KIT: variants seen among roughly 807,000 people sequenced by gnomAD.
The protein encoded by KIT is KIT proto-oncogene, receptor tyrosine kinase, also known as mast/stem cell growth factor receptor Kit.
KIT carries 16 observed loss-of-function variants against 105.7 expected under a neutral mutation model. The observed-to-expected ratio is 0.15, with a 90% CI of 0.10 to 0.23. The LOEUF (loss-of-function observed/expected upper bound fraction) is 0.23, where lower values mean the gene tolerates loss of function less well. Among genes scored for constraint, KIT ranks in the 10% least tolerant of loss-of-function variants. The pLI, the probability that KIT is intolerant of heterozygous loss-of-function variation, is 1.00. For missense variants in KIT, 858 were observed against 1,213.8 expected (o/e 0.71, Z 4.36); for synonymous variants, 438 against 441.1 (o/e 0.99, Z 0.09).
At chr4:54,699,980 AC>A (rs1720352688) in intron 4 of KIT, among the ~76,000 whole-genome samples, 1 of 152,194 alleles carries the variant, frequency 6.6e-6, no homozygotes, top group Non-Finnish European at 1.5e-5. Context: ...TTCATTTTAT[AC>A]ATTTATTTTG....
At chr4:54,726,754 G>A (rs1372175041) in intron 9 of KIT, among the ~76,000 whole-genome samples, 2 of 151,888 alleles carry the variant, frequency 1.3e-5, no homozygotes, top group African/African-American at 2.4e-5. Context: ...TTTTCAGACA[G>A]GGCAACGAAA....
At chr4:54,721,490 T>C (rs1721870080) in intron 7 of KIT, among the ~76,000 whole-genome samples, 1 of 152,254 alleles carries the variant, frequency 6.6e-6, no homozygotes, top group Non-Finnish European at 1.5e-5. Flanking sequence ...TTTGTAAAGC[T>C]GGCATTGGAT....
At chr4:54,715,161 G>GAGATTATTCTCAT (rs1721399314) in intron 7 of KIT, among the ~76,000 whole-genome samples, 2 of 152,060 alleles carry the variant, frequency 1.3e-5, no homozygotes, top group Non-Finnish European at 2.9e-5. Flanking sequence ...CCAGAATAAG[G>GAGATTATTCTCAT]CTTCTCGATG....
At chr4:54,666,862 AC>A (rs1322678650) in intron 1 of KIT, among the ~76,000 whole-genome samples, 3 of 152,160 alleles carry the variant, frequency 2.0e-5, no homozygotes, top group Non-Finnish European at 4.4e-5. Context: ...AACATAATCC[AC>A]TACTATAGTC....
At chr4:54,727,950 A>G (rs1402566872) in intron 12 of KIT, 23 bp downstream of exon 12, 4 of 1,610,212 alleles carry the variant, frequency 2.5e-6, no homozygotes, top group Admixed American at 3.3e-5. Context: ...ATGGTACTGC[A>G]TGCGCTTGAC....
chr4:54,737,267 A>G lies in KIT; in HGVS notation c.2789A>G (p.Glu930Gly). 6.2e-7 allele frequency: 1 copy of G among 1,611,012 alleles called. No individual in the cohort carries two copies. Among genetic ancestry groups the G allele is most frequent in the Non-Finnish European group, 8.5e-7 (1 of 1,177,158 alleles). ...IVQLIEKQIS[E>G]STNHIYSNLA... Reference sequence around the variant, plus strand: ...CAGCTAATTGAGAAGCAGATTTCAGAGAGCACCAATCATGTGAGTATACCC... The same window carrying G: ...CAGCTAATTGAGAAGCAGATTTCAGGGAGCACCAATCATGTGAGTATACCC... The change falls in exon 20 of 21, where the codon GAG becomes GGG. Residue 930 changes from glutamate (E) to glycine (G), a missense_variant. Glu to Gly is a moderately conservative substitution (Grantham distance 98). Coordinates refer to ENST00000288135, the MANE Select transcript of KIT (RefSeq NM_000222.3).
intron 1 of KIT, among the ~76,000 whole-genome samples, chr4:54,660,436 T>C (rs1243689164): frequency 1.3e-5 from 2 of 152,226 alleles, no homozygotes; most frequent in African/African-American, 2.4e-5. Context: ...ATTATCCTGC[T>C]GGAAATAAGA....
At chr4:54,682,751 T>TC (rs1278668193) in intron 1 of KIT, among the ~76,000 whole-genome samples, 1 of 86,966 alleles carries the variant, frequency 1.1e-5, no homozygotes, top group East Asian at 2.9e-4. Context: ...GTCTTGACCG[T>TC]TTTTTTTTTT....
chr4:54,687,465 TACAATC>T (rs932471043), intron 1 of KIT, among the ~76,000 whole-genome samples: 2 of 152,036 alleles, frequency 1.3e-5, no homozygotes, highest in Non-Finnish European at 2.9e-5. Flanking sequence ...AAAAAAGACT[TACAATC>T]AAACATCCTC....
At chr4:54,691,598 C>A (rs1283113506) in intron 1 of KIT, among the ~76,000 whole-genome samples, 1 of 152,054 alleles carries the variant, frequency 6.6e-6, no homozygotes, top group Non-Finnish European at 1.5e-5. Flanking sequence ...AGAAGTTAAC[C>A]CCATGGCAGT....
rs2109760742 is a variant in KIT, at chr4:54,723,620, A to G, written c.1268A>G (p.Asn423Ser). 6.2e-7 allele frequency: 1 copy of G among 1,614,122 alleles called. No homozygotes were observed. The highest frequency in any genetic ancestry group is 1.3e-5 in the African/African-American group (1 of 75,054). The change falls in exon 8 of 21, where the codon AAT (asparagine) becomes AGT (serine). Residue 423 changes from asparagine (N) to serine (S), a missense_variant. Asn to Ser is a conservative substitution (Grantham distance 46). Coordinates refer to ENST00000288135, the MANE Select transcript of KIT (RefSeq NM_000222.3). ...PEILTYDRLV[N>S]GMLQCVAAGF... ...ATCCTGACTTACGACAGGCTCGTGA[A>G]TGGCATGCTCCAATGTGTGGCAGCA...
At position 54,707,258 on chromosome 4, in the gene KIT, T is replaced by C. The variant is rs554090824; in HGVS notation, c.1086T>C (p.Tyr362=). The C allele has an allele frequency of 4.3e-6, 7 of 1,612,866 alleles. No individual in the cohort carries two copies. The highest frequency in any genetic ancestry group is 3.3e-5 in the South Asian group (3 of 91,046). Residue 362 remains tyrosine, a synonymous_variant, in exon 6 of 21, where the codon TAT becomes TAC. Coordinates refer to ENST00000288135, the MANE Select transcript of KIT (RefSeq NM_000222.3). The stretch of plus-strand genomic sequence containing the variant: ...CCTTCACTGATAAATGGGAAGATTA[T>C]CCCAAGTCTGAGAATGAAAGTAATA... ...NRTFTDKWED[Y]PKSENESNIR...
At chr4:54,677,873 A>G (rs1373514563) in intron 1 of KIT, among the ~76,000 whole-genome samples, 1 of 152,216 alleles carries the variant, frequency 6.6e-6, no homozygotes, top group Non-Finnish European at 1.5e-5. Context: ...TATATTGAGA[A>G]TGAGGGCTCA....
chr4:54,694,043 A>G (rs1056558970), intron 1 of KIT, among the ~76,000 whole-genome samples: 2 of 152,088 alleles, frequency 1.3e-5, no homozygotes, highest in African/African-American at 4.8e-5. Flanking sequence ...TGAAAAACCT[A>G]AATTGAATCT....
rs1553893435 is a variant in KIT at position 54,736,506 on chromosome 4, A to G, written c.2493A>G (p.Leu831=). ...SNYVVKGNAR[L]PVKWMAPESI... is the part of the protein sequence containing the mutation. Reference sequence around the variant, plus strand: ...TTGTGCTTCTATTACAGGCTCGACTACCTGTGAAGTGGATGGCACCTGAAA... The same window carrying G: ...TTGTGCTTCTATTACAGGCTCGACTGCCTGTGAAGTGGATGGCACCTGAAA... Residue 831 remains leucine, a synonymous_variant, in exon 18 of 21, where the codon CTA becomes CTG. Coordinates refer to ENST00000288135, the MANE Select transcript of KIT (RefSeq NM_000222.3). 1.2e-5 allele frequency: 20 copies of G among 1,610,548 alleles called. No homozygotes were observed. Among genetic ancestry groups the G allele is most frequent in the Non-Finnish European group, 1.7e-5 (20 of 1,176,764 alleles).
At chr4:54,678,343 T>TCCTC (rs1193823159) in intron 1 of KIT, among the ~76,000 whole-genome samples, 41 of 95,696 alleles carry the variant, frequency 4.3e-4, no homozygotes, top group Non-Finnish European at 6.9e-4. Flanking sequence ...CTTCCTTCCT[T>TCCTC]CCTTCCTTCC....
intron 1 of KIT, among the ~76,000 whole-genome samples, chr4:54,691,334 C>T (rs1255035954): frequency 3.3e-5 from 5 of 152,114 alleles, no homozygotes; most frequent in Non-Finnish European, 7.4e-5. Flanking sequence ...CACAGTTGAA[C>T]ATCAGTACAA....
intron 1 of KIT, among the ~76,000 whole-genome samples, chr4:54,674,746 G>T (rs1718345477): frequency 6.6e-6 from 1 of 152,126 alleles, no homozygotes; most frequent in African/African-American, 2.4e-5. Flanking sequence ...CCTAACATTA[G>T]CTTTCTAAGC....
intron 1 of KIT, among the ~76,000 whole-genome samples, chr4:54,676,447 C>T (rs528181855): frequency 7.9e-5 from 12 of 152,304 alleles, no homozygotes; most frequent in Middle Eastern, 3.4e-3. Context: ...AATGTCAGAA[C>T]GTCAGACCAG....
Sources: gnomAD v4.1 joint callset for allele counts (sites outside exome capture counted in the v4.1 genomes callset) on GRCh38, gnomAD v4.1.1 for gene constraint, MANE v1.5 for transcripts, NCBI Gene and HGNC (gene_info 2026-07-23, HGNC 2026-07-21) for gene names.